Variants in MTM1 observed in about 807,000 individuals in gnomAD.
MTM1 encodes the protein myotubularin 1, also known as myotubularin.
A neutral mutation model predicts 52.1 loss-of-function variants in MTM1; 9 were observed. The ratio of observed to expected loss-of-function variants is 0.17; its 90% CI spans 0.10 to 0.30. MTM1 has a LOEUF of 0.30. Among genes scored for constraint, MTM1 ranks in the 10% least tolerant of loss-of-function variants. The pLI is 1.00. For synonymous variants in MTM1, 136 were observed against 163.8 expected, an observed-to-expected ratio of 0.83 and a Z score of 1.29; for missense variants, 277 against 470.7, an observed-to-expected ratio of 0.59 and a Z score of 3.81.
chrX:150,580,421 C>T (rs1225244028), intron 1 of MTM1, among the ~76,000 whole-genome samples: 17 of 111,896 alleles, frequency 1.5e-4, no homozygotes, highest in South Asian at 1.5e-3. Context: ...ATCTTCTCTG[C>T]GAGATTCACA....
intron 2 of MTM1, among the ~76,000 whole-genome samples, chrX:150,593,764 G>A (rs1460977470): frequency 4.5e-5 from 5 of 111,470 alleles, no homozygotes; most frequent in South Asian, 3.8e-4. Flanking sequence ...TCAAGAGTTC[G>A]AGACTGGCCT....
At chrX:150,591,435 A>G (rs966739830) in intron 1 of MTM1, among the ~76,000 whole-genome samples, 3 of 112,556 alleles carry the variant, frequency 2.7e-5, no homozygotes, top group Admixed American at 1.9e-4. Context: ...TCACGGGGGA[A>G]TCCTGACAGT....
At chrX:150,623,797 A>G (rs1557413344) in intron 6 of MTM1, among the ~76,000 whole-genome samples, 2 of 111,413 alleles carry the variant, frequency 1.8e-5, no homozygotes, top group Non-Finnish European at 3.8e-5. Flanking sequence ...CCTAGGAGGT[A>G]ACATAAGCCT....
chrX:150,657,140 T>A (rs1385748040), intron 10 of MTM1, among the ~76,000 whole-genome samples: 1 of 110,269 alleles, frequency 9.1e-6, no homozygotes, highest in Non-Finnish European at 1.9e-5. Context: ...CCCAAAGGAT[T>A]ATAAATCATG....
chrX:150,578,255 G>A (rs2038508324), intron 1 of MTM1, among the ~76,000 whole-genome samples: 1 of 112,014 alleles, frequency 8.9e-6, no homozygotes, highest in Non-Finnish European at 1.9e-5. Context: ...GGAACTAAAA[G>A]CTGCTTAGCA....
At chrX:150,621,118 C>A (rs2039472822) in intron 6 of MTM1, among the ~76,000 whole-genome samples, 1 of 44,239 alleles carries the variant, frequency 2.3e-5, no homozygotes, top group African/African-American at 9.0e-5. Flanking sequence ...AGCTCCATCT[C>A]AAAAAAAAAA....
intron 11 of MTM1, 149 bp from the exon 12 acceptor site, chrX:150,659,515 A>C: frequency 2.1e-6 from 1 of 479,957 alleles, no homozygotes; most frequent in African/African-American, 2.4e-5. Context: ...CATTGCCTAT[A>C]TTGCCATGGA....
intron 8 of MTM1, among the ~76,000 whole-genome samples, chrX:150,643,649 C>A: frequency 8.9e-6 from 1 of 111,811 alleles, no homozygotes; most frequent in South Asian, 3.7e-4. Context: ...TAAACAACTT[C>A]CCATGTTGCT....
At chrX:150,622,933 T>C (rs781824053) in intron 6 of MTM1, among the ~76,000 whole-genome samples, 6 of 111,866 alleles carry the variant, frequency 5.4e-5, no homozygotes, top group Non-Finnish European at 1.1e-4. Context: ...TCTAGAGATA[T>C]AGATTTGGAA....
Position 150,603,855 on chromosome X carries a change from G to A in MTM1, c.231+5169G>A, listed in dbSNP as rs782772534. On this transcript the variant is annotated intron_variant, in intron 4 of 14. Coordinates refer to ENST00000370396, the MANE Select transcript of MTM1 (RefSeq NM_000252.3). The stretch of plus-strand genomic sequence containing the variant: ...AGATATGGGCTAAGGAGAGGACCCC[G>A]GGGGACATGGACACTTTTCCATGGT... 7.2e-5 allele frequency among the ~76,000 whole-genome samples: 8 copies of A among 111,585 alleles called. No individual in the cohort carries two copies. In the South Asian group the frequency reaches 1.5e-3, roughly 21 times the overall value.
chrX:150,613,046 T>C (rs1457803696), intron 4 of MTM1, among the ~76,000 whole-genome samples: 3 of 105,976 alleles, frequency 2.8e-5, no homozygotes, highest in Non-Finnish European at 5.8e-5. Context: ...CTTGGAAGGC[T>C]GAGGTGGGAG....
intron 14 of MTM1, among the ~76,000 whole-genome samples, chrX:150,668,671 G>A (rs1203064410): frequency 9.0e-5 from 10 of 110,900 alleles, no homozygotes; most frequent in African/African-American, 3.0e-4. Flanking sequence ...GCTGAGCTAC[G>A]ATTGCACTGC....
intron 4 of MTM1, among the ~76,000 whole-genome samples, chrX:150,612,223 C>T (rs781788561): frequency 6.3e-4 from 70 of 110,327 alleles, no homozygotes; most frequent in African/African-American, 2.2e-3. Context: ...GATTTTCATT[C>T]CACGTGATGC....
intron 1 of MTM1, among the ~76,000 whole-genome samples, chrX:150,591,935 T>C (rs1254440372): frequency 3.5e-5 from 4 of 112,999 alleles, no homozygotes; most frequent in African/African-American, 1.3e-4. Context: ...CTGTTGTTGC[T>C]GTAATCTTCT....
In MTM1 at chrX:150,645,888, A is replaced by G. The variant is rs371239013; in HGVS notation, c.867+17A>G. 2.8e-5 allele frequency: 33 copies of G among 1,192,866 alleles called. No individual in the cohort carries two copies. The African/African-American group carries it at 4.6e-4, about 17-fold the overall frequency. Reference sequence around the variant, plus strand: ...GCCAACAAGGTGAGTGGACTTAATGATGTGCTGGACACTTAGCTTACATAT... The same window carrying G: ...GCCAACAAGGTGAGTGGACTTAATGGTGTGCTGGACACTTAGCTTACATAT... On this transcript the variant is annotated intron_variant, in intron 9 of 14. Coordinates refer to ENST00000370396, the MANE Select transcript of MTM1 (RefSeq NM_000252.3).
chrX:150,598,552 C>G, intron 3 of MTM1, 40 bp from the exon 4 acceptor site: 3 of 808,007 alleles, frequency 3.7e-6, no homozygotes, highest in Middle Eastern at 3.5e-4. Context: ...ATCTTGGTAT[C>G]TATTTCCATT....
upstream of MTM1, among the ~76,000 whole-genome samples, chrX:150,565,993 T>C (rs868942043): frequency 3.4e-5 from 3 of 88,453 alleles, no homozygotes; most frequent in Non-Finnish European, 4.5e-5. Context: ...TGAAGATTCC[T>C]ACACACACAC....
chrX:150,625,727 CTT>C (rs2039557130), intron 6 of MTM1, among the ~76,000 whole-genome samples: 1 of 112,651 alleles, frequency 8.9e-6, no homozygotes, highest in African/African-American at 3.2e-5. Context: ...GCATGAAGCT[CTT>C]TCGCATCAAA....
rs140625961 is a variant in MTM1 at position 150,640,061 on chromosome X, G to A, written c.528+1035G>A. Among the ~76,000 whole-genome samples, 1,068 of 111,648 alleles carry A rather than the reference G, an allele frequency of 9.6e-3. 18 individuals carry two copies. The highest frequency in any genetic ancestry group is 0.032 in the African/African-American group (992 of 30,691). On this transcript the variant is annotated intron_variant, in intron 7 of 14. Transcript: ENST00000370396. ...TGCTTCCATAAGTCACGTTTAGACT[G>A]TTGAGTTTTCTAAGGCTTTGCACTA...
Sources: gnomAD v4.1 joint callset for allele counts (sites outside exome capture counted in the v4.1 genomes callset) on GRCh38, gnomAD v4.1.1 for gene constraint, MANE v1.5 for transcripts, NCBI Gene and HGNC (gene_info 2026-07-23, HGNC 2026-07-21) for gene names.